FANK1: variants seen among roughly 807,000 people sequenced by gnomAD.
FANK1 encodes fibronectin type 3 and ankyrin repeat domains protein 1.
A neutral mutation model predicts 45.3 loss-of-function variants in FANK1; 44 were observed. The observed-to-expected ratio is 0.97, with a 90% CI of 0.76 to 1.25. The LOEUF (loss-of-function observed/expected upper bound fraction) is 1.25. FANK1 is among the 50% of genes most tolerant of loss of function. FANK1 has a pLI of 0.00. For synonymous variants in FANK1, 149 were observed against 152.5 expected, an observed-to-expected ratio of 0.98 and a Z score of 0.17; for missense variants, 391 against 424.4, an observed-to-expected ratio of 0.92 and a Z score of 0.69.
In FANK1 at chr10:125,912,824, G is replaced by A. The variant is rs564053897; in HGVS notation, c.13+16169G>A. Among the ~76,000 whole-genome samples the A allele has an allele frequency of 5.3e-5, 8 of 152,176 alleles. No individual in the cohort carries two copies. In the East Asian group the frequency reaches 7.7e-4, roughly 15 times the overall value. ...AGCTAATTGTGTTTTTAGTGGAGACGGGCTTTCACCATGTTGGCCAGGCAA... is the reference window on the plus strand; with the variant it reads ...AGCTAATTGTGTTTTTAGTGGAGACAGGCTTTCACCATGTTGGCCAGGCAA... On this transcript the variant is annotated intron_variant, in intron 1 of 10. Coordinates refer to ENST00000368693, the MANE Select transcript of FANK1 (RefSeq NM_145235.5).
intron 1 of FANK1, among the ~76,000 whole-genome samples, chr10:125,907,058 G>A (rs1420203694): frequency 6.6e-6 from 1 of 152,230 alleles, no homozygotes; most frequent in African/African-American, 2.4e-5. Flanking sequence ...CTAAGGATTA[G>A]TGAAATGTAT....
chr10:125,921,565 G>A (rs1403402785), intron 1 of FANK1, among the ~76,000 whole-genome samples: 10 of 152,154 alleles, frequency 6.6e-5, no homozygotes, highest in African/African-American at 1.7e-4. Context: ...CACATGGTCC[G>A]TGTACGTTTG....
intron 7 of FANK1, among the ~76,000 whole-genome samples, chr10:126,005,370 C>T (rs933436668): frequency 5.4e-5 from 8 of 149,302 alleles, no homozygotes; most frequent in South Asian, 4.2e-4. Flanking sequence ...TGCAGTGGCG[C>T]GATCTCGGTT....
At chr10:125,910,451 C>G (rs1453819108) in intron 1 of FANK1, among the ~76,000 whole-genome samples, 2 of 152,134 alleles carry the variant, frequency 1.3e-5, no homozygotes, top group Non-Finnish European at 2.9e-5. Context: ...CTCTTCCTGT[C>G]CTACAGGTAA....
intron 4 of FANK1, 23 bp from the exon 5 acceptor site, chr10:125,996,527 C>G (rs1401338568): frequency 1.2e-6 from 2 of 1,613,170 alleles, no homozygotes; most frequent in Non-Finnish European, 8.5e-7. Flanking sequence ...GCATGTTTAT[C>G]TCTTTTCTCT....
intron 2 of FANK1, among the ~76,000 whole-genome samples, chr10:125,985,444 CT>C (rs1207817941): frequency 6.6e-6 from 1 of 152,130 alleles, no homozygotes; most frequent in African/African-American, 2.4e-5. Context: ...AAAATTATTA[CT>C]TTTTAGCCCT....
chr10:125,909,962 A>G (rs1564859016), intron 1 of FANK1, among the ~76,000 whole-genome samples: 1 of 151,938 alleles, frequency 6.6e-6, no homozygotes, highest in African/African-American at 2.4e-5. Context: ...AATATACCTG[A>G]GAGAAAGTGT....
At chr10:125,971,623 C>T (rs1950517580) in intron 1 of FANK1, among the ~76,000 whole-genome samples, 1 of 151,908 alleles carries the variant, frequency 6.6e-6, no homozygotes. Context: ...ATTTTTCACC[C>T]TGGTCTACAT....
At chr10:125,995,256 C>T (rs1028712104) in intron 3 of FANK1, among the ~76,000 whole-genome samples, 161 bp from the exon 4 acceptor site, 5 of 152,222 alleles carry the variant, frequency 3.3e-5, no homozygotes, top group East Asian at 1.9e-4. Context: ...AGGTCATTTT[C>T]GGTAAAAGAA....
chr10:125,980,654 G>T, intron 2 of FANK1: 1 of 284,698 alleles, frequency 3.5e-6, no homozygotes, highest in Admixed American at 5.0e-5. Context: ...AGGCTGTTGT[G>T]TTCACTGACG....
At chr10:125,953,460 T>C (rs546139005) in intron 1 of FANK1, among the ~76,000 whole-genome samples, 1 of 152,316 alleles carries the variant, frequency 6.6e-6, no homozygotes, top group African/African-American at 2.4e-5. Context: ...CCTCACCTTC[T>C]CACCAGATCA....
chr10:125,919,722 C>T (rs1037250709), intron 1 of FANK1, among the ~76,000 whole-genome samples: 3 of 152,150 alleles, frequency 2.0e-5, no homozygotes, highest in Non-Finnish European at 2.9e-5. Flanking sequence ...ACGCAGCTGA[C>T]CATGATACCC....
chr10:125,990,096 C>T (rs371310286), intron 3 of FANK1, among the ~76,000 whole-genome samples: 1 of 152,202 alleles, frequency 6.6e-6, no homozygotes, highest in African/African-American at 2.4e-5. Context: ...GCTTTCCCCT[C>T]CTCTGTCACA....
intron 1 of FANK1, among the ~76,000 whole-genome samples, chr10:125,945,956 C>T (rs1948766836): frequency 6.6e-6 from 1 of 152,160 alleles, no homozygotes; most frequent in Admixed American, 6.5e-5. Flanking sequence ...GACCCCTGAC[C>T]CCCGAGCAGC....
chr10:125,999,008 TG>T, intron 6 of FANK1, among the ~76,000 whole-genome samples: 1 of 152,250 alleles, frequency 6.6e-6, no homozygotes, highest in East Asian at 1.9e-4. Flanking sequence ...AAAAGCTATT[TG>T]TATGTTTGTT....
At chr10:126,002,189 G>A (rs1458010136) in intron 6 of FANK1, among the ~76,000 whole-genome samples, 1 of 151,996 alleles carries the variant, frequency 6.6e-6, no homozygotes, top group East Asian at 1.9e-4. Flanking sequence ...TTGTACGCCT[G>A]TAATCCCAGC....
intron 1 of FANK1, among the ~76,000 whole-genome samples, chr10:125,977,433 T>G (rs1202014391): frequency 6.6e-6 from 1 of 152,152 alleles, no homozygotes; most frequent in South Asian, 2.1e-4. Flanking sequence ...GTTGCTAGAC[T>G]CTTGTTTGGT....
chr10:125,920,998 C>A (rs61870894), intron 1 of FANK1, among the ~76,000 whole-genome samples: 1 of 147,170 alleles, frequency 6.8e-6, no homozygotes, highest in Non-Finnish European at 1.5e-5. Flanking sequence ...GCTTCCTCTC[C>A]GGTGATCTTG....
chr10:125,942,400 T>C (rs1339803961), intron 1 of FANK1, among the ~76,000 whole-genome samples: 1 of 152,224 alleles, frequency 6.6e-6, no homozygotes, highest in Non-Finnish European at 1.5e-5. Flanking sequence ...AATTTATTCT[T>C]ATAAAGATGT....
Sources: allele counts gnomAD v4.1 joint callset (sites outside exome capture counted in the v4.1 genomes callset), GRCh38; gene constraint gnomAD v4.1.1; transcripts MANE v1.5; gene names NCBI Gene and HGNC (gene_info 2026-07-23, HGNC 2026-07-21).